LOXHD1: variants seen among roughly 807,000 people sequenced by gnomAD.
The protein encoded by LOXHD1 is lipoxygenase homology PLAT domains 1.
LOXHD1 carries 205 observed loss-of-function variants against 248.2 expected under a neutral mutation model. The observed-to-expected ratio is 0.83, with a 90% confidence interval of 0.74 to 0.93. The LOEUF (loss-of-function observed/expected upper bound fraction) is 0.93, where lower values mean the gene tolerates loss of function less well. Among genes scored for constraint, LOXHD1 ranks in the 40% least tolerant of loss-of-function variants. The pLI is 0.00. For missense variants in LOXHD1, 2,930 were observed against 2,971.6 expected (o/e 0.99, Z 0.33); for synonymous variants, 1,113 against 1,162.8 (o/e 0.96, Z 0.87).
At chr18:46,609,895 G>T (rs2038478804) in intron 6 of LOXHD1, among the ~76,000 whole-genome samples, 1 of 152,200 alleles carries the variant, frequency 6.6e-6, no homozygotes, top group African/African-American at 2.4e-5. Flanking sequence ...TAGAGCCAGG[G>T]ACACGAGCTT....
At chr18:46,507,956 G>A (rs538603303) in intron 35 of LOXHD1, among the ~76,000 whole-genome samples, 1 of 152,170 alleles carries the variant, frequency 6.6e-6, no homozygotes, top group Non-Finnish European at 1.5e-5. Flanking sequence ...TTGGGAATGG[G>A]CAATTCACCT....
chr18:46,519,792 G>A (rs902080020), intron 33 of LOXHD1, among the ~76,000 whole-genome samples: 9 of 152,198 alleles, frequency 5.9e-5, no homozygotes, highest in African/African-American at 2.2e-4. Context: ...TATGTAATAA[G>A]TGTGCTTCCA....
chr18:46,656,417 C>T (rs553947258), intron 1 of LOXHD1, among the ~76,000 whole-genome samples: 4 of 152,104 alleles, frequency 2.6e-5, no homozygotes, highest in Non-Finnish European at 4.4e-5. Context: ...GAGCACCGGC[C>T]GCCTTCGACA....
chr18:46,656,267 T>C (rs1476032242), intron 1 of LOXHD1, among the ~76,000 whole-genome samples: 1 of 152,142 alleles, frequency 6.6e-6, no homozygotes, highest in Non-Finnish European at 1.5e-5. Flanking sequence ...AAAAAACAAC[T>C]TAAACTCTGC....
intron 26 of LOXHD1, 128 bp downstream of exon 26, chr18:46,538,028 C>T (rs2036390075): frequency 2.4e-6 from 2 of 826,636 alleles, no homozygotes; most frequent in Non-Finnish European, 3.6e-6. Context: ...GTAGGATGAG[C>T]TGCTCACCTT....
At chr18:46,491,761 G>C (rs1473665898) in intron 37 of LOXHD1, among the ~76,000 whole-genome samples, 2 of 152,192 alleles carry the variant, frequency 1.3e-5, no homozygotes, top group East Asian at 3.9e-4. Flanking sequence ...GTGAGCTAAG[G>C]GGAAGGGTGG....
At chr18:46,576,333 C>T (rs142160215) in intron 14 of LOXHD1, among the ~76,000 whole-genome samples, 2 of 152,272 alleles carry the variant, frequency 1.3e-5, no homozygotes, top group African/African-American at 4.8e-5. Flanking sequence ...CCCCACACCC[C>T]GCTTCCCCCG....
chr18:46,605,075 A>G (rs1209773542), intron 6 of LOXHD1, among the ~76,000 whole-genome samples: 2 of 152,264 alleles, frequency 1.3e-5, no homozygotes, highest in Admixed American at 6.5e-5. Context: ...CCAATCAAGC[A>G]TCTGGTAGCT....
chr18:46,629,432 T>G (rs567801072), intron 4 of LOXHD1, among the ~76,000 whole-genome samples: 1 of 152,354 alleles, frequency 6.6e-6, no homozygotes, highest in African/African-American at 2.4e-5. Flanking sequence ...CAGGGTACTT[T>G]CATTTTGCAT....
chr18:46,654,321 T>C (rs2039151473), intron 1 of LOXHD1, among the ~76,000 whole-genome samples: 3 of 152,186 alleles, frequency 2.0e-5, no homozygotes. Context: ...ATTGACAACA[T>C]CCCCAAGGAA....
chr18:46,593,194 AT>A (rs2038204068), intron 10 of LOXHD1, among the ~76,000 whole-genome samples: 1 of 129,014 alleles, frequency 7.8e-6, no homozygotes, highest in African/African-American at 2.5e-5. Flanking sequence ...TTAAAGCTGA[AT>A]TTTAAAAAAA....
chr18:46,541,688 C>A, intron 25 of LOXHD1, 88 bp downstream of exon 25: 1 of 1,454,860 alleles, frequency 6.9e-7, no homozygotes, highest in Non-Finnish European at 9.4e-7. Flanking sequence ...GGCCCACAGT[C>A]AATCCTGAAG....
In LOXHD1 at chr18:46,505,687, A is replaced by T; in HGVS notation, c.5878+151T>A. The stretch of plus-strand genomic sequence containing the variant: ...CAGAAACACTGGCTCTTTCATACTG[A>T]TGGAAGCATCAATGTGGTGGTCATC... On this transcript the variant is annotated intron_variant, in intron 37 of 40. Transcript: ENST00000642948. 4 of 766,524 alleles carry T rather than the reference A, an allele frequency of 5.2e-6. No individual in the cohort carries two copies. The South Asian group carries it at 5.5e-5, about 10-fold the overall frequency. 47.5% of individuals were successfully genotyped at this position (766,524 alleles called of 1,614,324 possible). A position where few individuals can be genotyped will look rare whatever the true frequency, so the allele number is the denominator to read the frequency against.
rs557137470 is a variant in LOXHD1 at position 46,628,008 on chromosome 18, G to A, written c.512-9718C>T. 6.8e-4 allele frequency among the ~76,000 whole-genome samples: 103 copies of A among 152,292 alleles called. No individual in the cohort carries two copies. In the South Asian group the frequency reaches 0.013, roughly 19 times the overall value. On this transcript the variant is annotated intron_variant, in intron 4 of 40. Transcript: ENST00000642948. Reference sequence around the variant, plus strand: ...GGCTCTGGTGCATAGAAGGCTCCCCGCAAAATGCCCATTGAATCACTGAAT... The same window carrying A: ...GGCTCTGGTGCATAGAAGGCTCCCCACAAAATGCCCATTGAATCACTGAAT...
At chr18:46,639,862 C>T in intron 3 of LOXHD1, 62 bp from the exon 4 acceptor site, 2 of 1,527,582 alleles carry the variant, frequency 1.3e-6, no homozygotes, top group Non-Finnish European at 1.8e-6. Flanking sequence ...CCCTTCCATA[C>T]TGGAATACCC....
rs1189767008 is a variant in LOXHD1 at position 46,572,180 on chromosome 18, G to T, written c.1971-18C>A. ...CCAACCACCTGGTGGGCAAATGGGG[G>T]AATGTTAGCTCTTTGGGTGGAGCAG... On this transcript the variant is annotated intron_variant, in intron 14 of 40. Transcript: ENST00000642948. The T allele has an allele frequency of 1.9e-6, 3 of 1,550,038 alleles. No homozygotes were observed. The highest frequency in any genetic ancestry group is 1.4e-5 in the African/African-American group (1 of 73,006).
chr18:46,648,784 T>G (rs1465170103), intron 2 of LOXHD1, among the ~76,000 whole-genome samples: 3 of 152,164 alleles, frequency 2.0e-5, no homozygotes, highest in Non-Finnish European at 4.4e-5. Context: ...CACAGCTCCC[T>G]CAGATGTATG....
At chr18:46,545,277 A>C in intron 23 of LOXHD1, 40 bp downstream of exon 23, 1 of 1,428,280 alleles carries the variant, frequency 7.0e-7, no homozygotes, top group Non-Finnish European at 9.7e-7. Context: ...CTCCCTGGGG[A>C]AGAATGTGGG....
intron 36 of LOXHD1, among the ~76,000 whole-genome samples, chr18:46,506,976 T>C (rs551916192): frequency 3.0e-4 from 45 of 152,324 alleles, no homozygotes; most frequent in African/African-American, 1.0e-3. Context: ...GCTAATACTT[T>C]TGATTAGAAG....
Sources: gnomAD v4.1 joint callset for allele counts (sites outside exome capture counted in the v4.1 genomes callset) on GRCh38, gnomAD v4.1.1 for gene constraint, MANE v1.5 for transcripts, NCBI Gene and HGNC (gene_info 2026-07-23, HGNC 2026-07-21) for gene names.